The following SORD variants were observed in gnomAD, a reference collection of about 807,000 sequenced individuals.
SORD encodes sorbitol dehydrogenase.
SORD carries 18 observed loss-of-function variants against 35.6 expected under a neutral mutation model. That is an observed-to-expected ratio of 0.51 (90% CI 0.35 to 0.75). The LOEUF is 0.75. Among genes scored for constraint, SORD ranks in the 30% least tolerant of loss-of-function variants. SORD has a pLI of 0.01. For synonymous variants in SORD, 106 were observed against 152.9 expected, an observed-to-expected ratio of 0.69 and a Z score of 2.26; for missense variants, 250 against 390.2, an observed-to-expected ratio of 0.64 and a Z score of 3.03.
At position 45,073,593 on chromosome 15, in the gene SORD, G is replaced by A. The variant is rs1375798762; in HGVS notation, c.*63G>A. ...ATCTCAGGGCACAATGGCTGGACAT[G>A]GGTGGGCTCTGATGCAGAACTTTCT... On this transcript the variant is annotated 3_prime_UTR_variant, in exon 9 of 9. Coordinates refer to ENST00000267814, the MANE Select transcript of SORD (RefSeq NM_003104.6). 38 of 1,538,494 alleles carry A rather than the reference G, an allele frequency of 2.5e-5. No individual in the cohort carries two copies. The highest frequency in any genetic ancestry group is 3.2e-5 in the Non-Finnish European group (37 of 1,148,246).
intron 1 of SORD, among the ~76,000 whole-genome samples, chr15:45,024,851 C>T (rs1250316222): frequency 6.6e-6 from 1 of 152,188 alleles, no homozygotes; most frequent in Non-Finnish European, 1.5e-5. Context: ...TGACAGAGCC[C>T]GAGGGCTTTG....
chr15:45,058,848 G>A (rs1893257672), intron 3 of SORD: 1 of 152,208 alleles, frequency 6.6e-6, no homozygotes, highest in Non-Finnish European at 1.5e-5. Context: ...AGCTACCTGT[G>A]TAGCTTCCCT....
At chr15:45,069,471 A>G (rs1335952436) in intron 7 of SORD, among the ~76,000 whole-genome samples, 1 of 151,830 alleles carries the variant, frequency 6.6e-6, no homozygotes, top group African/African-American at 2.4e-5. Context: ...CGGCCTCTCA[A>G]AGTGCTGGGA....
chr15:45,036,420 A>G (rs1892867398), intron 1 of SORD: 2 of 451,956 alleles, frequency 4.4e-6, no homozygotes, highest in Admixed American at 4.8e-5. Context: ...GGCCAGGCAC[A>G]GTGGCTCACG....
chr15:45,049,762 G>T (rs1172827342), intron 3 of SORD, among the ~76,000 whole-genome samples: 1 of 152,184 alleles, frequency 6.6e-6, no homozygotes, highest in Non-Finnish European at 1.5e-5. Flanking sequence ...CTTCTGAGTT[G>T]CAGCCAGAGA....
chr15:45,072,859 C>T (rs1893534446), intron 8 of SORD, among the ~76,000 whole-genome samples: 1 of 141,472 alleles, frequency 7.1e-6, no homozygotes, highest in Admixed American at 6.7e-5. Flanking sequence ...GCGAAAGGGT[C>T]TTAGTTTGCC....
chr15:45,027,571 G>A (rs1175963570), intron 1 of SORD, among the ~76,000 whole-genome samples: 1 of 152,244 alleles, frequency 6.6e-6, no homozygotes, highest in Non-Finnish European at 1.5e-5. Flanking sequence ...TTAAAAAGAG[G>A]TGGATGGAGA....
intron 1 of SORD, among the ~76,000 whole-genome samples, chr15:45,034,680 T>C (rs1490391588): frequency 6.6e-6 from 1 of 152,174 alleles, no homozygotes; most frequent in African/African-American, 2.4e-5. Context: ...CTGGCAGTCC[T>C]CACAGCCCTC....
intron 3 of SORD, 166 bp from the exon 4 acceptor site, chr15:45,060,901 G>A (rs1411721018): frequency 5.5e-6 from 8 of 1,448,846 alleles, no homozygotes; most frequent in South Asian, 1.3e-5. Flanking sequence ...AGGGTGGCTC[G>A]TTAAGCTAGA....
intron 5 of SORD, among the ~76,000 whole-genome samples, chr15:45,067,167 GC>G (rs1893420056): frequency 6.6e-6 from 1 of 152,130 alleles, no homozygotes; most frequent in Admixed American, 6.5e-5. Context: ...TTTGAGACCA[GC>G]CTGGCCAACA....
rs1171935783 is a variant in SORD, at chr15:45,044,299, G to A, written c.265+878G>A. On this transcript the variant is annotated intron_variant, in intron 3 of 8. Transcript: ENST00000267814. ...CTCTGACTATAAATTATAACAAAGA[G>A]TGGGGTTCTGTAAATGTAAATTATA... 3.3e-5 allele frequency among the ~76,000 whole-genome samples: 5 copies of A among 152,222 alleles called. No individual in the cohort carries two copies. In the East Asian group the frequency reaches 9.7e-4, roughly 29 times the overall value.
Position 45,023,260 on chromosome 15 carries a change from G to T in SORD, c.-24G>T. 2 of 1,544,920 alleles carry T rather than the reference G, an allele frequency of 1.3e-6. No individual in the cohort carries two copies. Among genetic ancestry groups the T allele is most frequent in the South Asian group, 1.2e-5 (1 of 81,126 alleles). On this transcript the variant is annotated 5_prime_UTR_variant, in exon 1 of 9. Coordinates refer to ENST00000267814, the MANE Select transcript of SORD (RefSeq NM_003104.6). ...CCAAACGTCCCGCGCCTTCCAGGCC[G>T]CACTCCAGAGCCAAAAGAGCTCCAT...
intron 1 of SORD, among the ~76,000 whole-genome samples, chr15:45,037,428 C>T (rs545926002): frequency 3.3e-5 from 5 of 152,242 alleles, no homozygotes; most frequent in South Asian, 4.1e-4. Context: ...CGAAATGGGG[C>T]GTTCAGGTCT....
rs1892621398 is a variant in SORD at position 45,023,442 on chromosome 15, G to A, written c.66+93G>A. 6 of 1,144,368 alleles carry A rather than the reference G, an allele frequency of 5.2e-6. No homozygotes were observed. The South Asian group carries it at 1.1e-4, about 21-fold the overall frequency. The allele number at this position is 1,144,368 out of a possible 1,614,324, so 70.9% of individuals were successfully genotyped here. ...CCTGGCTTCCCACTTCCAGCCTGGC[G>A]CCGGCCCCGCACCTTAAGCGCCCTG... On this transcript the variant is annotated intron_variant, in intron 1 of 8. Transcript: ENST00000267814.
intron 3 of SORD, among the ~76,000 whole-genome samples, chr15:45,049,565 T>C (rs2470687): frequency 0.97 from 147,521 of 152,300 alleles, 71,517 homozygotes; most frequent in Non-Finnish European, 0.99. Context: ...GCTATAGTTA[T>C]GCCTGCCAAG....
At chr15:45,066,181 G>T (rs1211896718) in intron 5 of SORD, among the ~76,000 whole-genome samples, 1 of 147,840 alleles carries the variant, frequency 6.8e-6, no homozygotes, top group Non-Finnish European at 1.5e-5. Context: ...GGAAGCAGAG[G>T]TTGCAGTGAG....
intron 1 of SORD, among the ~76,000 whole-genome samples, chr15:45,023,909 C>T (rs73421315): frequency 0.019 from 2,841 of 152,290 alleles, 56 homozygotes; most frequent in South Asian, 0.088. Flanking sequence ...CCTCCATCTC[C>T]AGAACCCCTG....
intron 7 of SORD, 25 bp downstream of exon 7, chr15:45,069,077 G>C: frequency 6.3e-7 from 1 of 1,587,426 alleles, no homozygotes; most frequent in Non-Finnish European, 8.6e-7. Flanking sequence ...GGCAGCTTTG[G>C]GGAATCAGCA....
intron 1 of SORD, among the ~76,000 whole-genome samples, chr15:45,038,116 C>A (rs1892899286): frequency 6.6e-6 from 1 of 150,910 alleles, no homozygotes; most frequent in Non-Finnish European, 1.5e-5. Flanking sequence ...ACTTCCTTCC[C>A]TCGCATCCTC....
Sources: allele counts gnomAD v4.1 joint callset (sites outside exome capture counted in the v4.1 genomes callset), GRCh38; gene constraint gnomAD v4.1.1; transcripts MANE v1.5; gene names NCBI Gene and HGNC (gene_info 2026-07-23, HGNC 2026-07-21).